DMD: variants seen among roughly 807,000 people sequenced by gnomAD.
DMD encodes the protein mutant dystrophin.
In DMD, 63 loss-of-function variants were observed where a neutral mutation model predicts 330.1. That is an observed-to-expected ratio of 0.19 (90% confidence interval 0.16 to 0.24). DMD has a LOEUF of 0.24. Among genes scored for constraint, DMD ranks in the 10% least tolerant of loss-of-function variants. The pLI, the probability that DMD is intolerant of heterozygous loss-of-function variation, is 1.00. For synonymous variants in DMD, 1,223 were observed against 959.8 expected, an observed-to-expected ratio of 1.27 and a Z score of -5.07; for missense variants, 3,344 against 2,684.1, an observed-to-expected ratio of 1.25 and a Z score of -5.43.
Position 32,697,998 on chromosome X carries a change from T to C in DMD, c.832A>G (p.Ile278Val), listed in dbSNP as rs779964937. 3.4e-6 allele frequency: 4 copies of C among 1,190,586 alleles called. No individual in the cohort carries two copies. The highest frequency in any genetic ancestry group is 4.5e-6 in the Non-Finnish European group (4 of 884,887). ...LHHQMHYSQQITVSLAQGYER... is the reference protein window; with the variant it reads ...LHHQMHYSQQVTVSLAQGYER... ...TATCCCTGTGCTAGACTGACCGTGA[T>C]CTGCAGAGAAGGGTTTGGGGGAGTG... Residue 278 changes from isoleucine to valine, a missense_variant and splice_region_variant, in exon 9 of 79, where the codon ATC becomes GTC. Coordinates refer to ENST00000357033, the MANE Select transcript of DMD (RefSeq NM_004006.3).
At chrX:31,828,240 C>T (rs1160500654) in intron 49 of DMD, among the ~76,000 whole-genome samples, 3 of 111,940 alleles carry the variant, frequency 2.7e-5, no homozygotes, top group African/African-American at 9.7e-5. Flanking sequence ...CAACCTACAT[C>T]ACAAAAATAC....
chrX:32,193,202 C>T (rs2096983652), intron 44 of DMD, among the ~76,000 whole-genome samples: 1 of 111,978 alleles, frequency 8.9e-6, no homozygotes, highest in Non-Finnish European at 1.9e-5. Flanking sequence ...GCTTCCGGTA[C>T]AGCCTGCAGA....
At chrX:32,358,444 A>T (rs1041372880) in intron 37 of DMD, among the ~76,000 whole-genome samples, 1 of 111,202 alleles carries the variant, frequency 9.0e-6, no homozygotes, top group African/African-American at 3.3e-5. Flanking sequence ...TCAGGGTTCT[A>T]ATATTATCTC....
intron 55 of DMD, among the ~76,000 whole-genome samples, chrX:31,623,251 A>T (rs1004146679): frequency 5.2e-4 from 57 of 110,501 alleles, no homozygotes; most frequent in African/African-American, 1.6e-3. Flanking sequence ...AACTTCTCCA[A>T]TTTTATTTTA....
At position 31,209,582 on chromosome X, in the gene DMD, C is replaced by T. The variant is rs771392678; in HGVS notation, c.9479G>A (p.Arg3160His). Residue 3160 changes from arginine to histidine, a missense_variant, in exon 65 of 79, where the codon CGC (arginine) becomes CAC (histidine). Physicochemically the swap from Arg to His is conservative, Grantham distance 29 (BLOSUM62 0). Coordinates refer to ENST00000357033, the MANE Select transcript of DMD (RefSeq NM_004006.3). ...IINCLTTIYD[R>H]LEQEHNNLVN... is the part of the protein sequence containing the mutation. ...CAAATTGTTGTGCTCTTGCTCCAGG[C>T]GGTCATAAATAGTGGTCAAACAATT... 1.3e-4 allele frequency: 155 copies of T among 1,209,310 alleles called. No homozygotes were observed. Among genetic ancestry groups the T allele is most frequent in the Middle Eastern group, 4.6e-4 (2 of 4,353 alleles).
At chrX:33,037,379 C>A (rs779094322) in intron 1 of DMD, among the ~76,000 whole-genome samples, 1 of 109,702 alleles carries the variant, frequency 9.1e-6, no homozygotes, top group South Asian at 3.9e-4. Flanking sequence ...AAAAAAAAAC[C>A]CTGATGTCAT....
chrX:33,313,939 T>G (rs2053887801), intron 1 of DMD, among the ~76,000 whole-genome samples: 1 of 111,186 alleles, frequency 9.0e-6, no homozygotes, highest in Non-Finnish European at 1.9e-5. Flanking sequence ...CTCACATATT[T>G]GTGAGCTGTC....
intron 21 of DMD, among the ~76,000 whole-genome samples, chrX:32,483,771 A>G (rs1275144979): frequency 1.0e-5 from 1 of 97,886 alleles, no homozygotes; most frequent in Non-Finnish European, 2.0e-5. Flanking sequence ...ATAAAGTTTT[A>G]CTACCTGTAC....
At chrX:32,437,216 C>T (rs1295606387) in intron 29 of DMD, among the ~76,000 whole-genome samples, 1 of 112,042 alleles carries the variant, frequency 8.9e-6, no homozygotes, top group Non-Finnish European at 1.9e-5. Flanking sequence ...CTTTTCCAAT[C>T]CCCAATTCCT....
At chrX:32,726,632 G>C (rs1328114757) in intron 7 of DMD, among the ~76,000 whole-genome samples, 4 of 110,977 alleles carry the variant, frequency 3.6e-5, no homozygotes, top group African/African-American at 9.8e-5. Flanking sequence ...CTTTAAGTCT[G>C]AAATTAATAT....
intron 1 of DMD, among the ~76,000 whole-genome samples, chrX:33,137,197 G>A (rs1342271747): frequency 9.0e-6 from 1 of 110,967 alleles, no homozygotes; most frequent in African/African-American, 3.3e-5. Flanking sequence ...ACAATAAAAC[G>A]GGGTGTAGCA....
chrX:32,115,432 G>A (rs1477974627), intron 44 of DMD, among the ~76,000 whole-genome samples: 1 of 109,572 alleles, frequency 9.1e-6, no homozygotes, highest in African/African-American at 3.3e-5. Flanking sequence ...GTGTAGAGGC[G>A]AGGTCTCGCT....
intron 6 of DMD, among the ~76,000 whole-genome samples, chrX:32,812,927 A>C (rs2077476063): frequency 9.0e-6 from 1 of 111,724 alleles, no homozygotes; most frequent in South Asian, 3.7e-4. Context: ...GGGAGTAAAA[A>C]AAGGACATAG....
At chrX:32,390,904 C>A (rs2097997460) in intron 30 of DMD, among the ~76,000 whole-genome samples, 1 of 111,567 alleles carries the variant, frequency 9.0e-6, no homozygotes, top group African/African-American at 3.3e-5. Context: ...AAGTCAAATG[C>A]CCCAAACAGG....
intron 2 of DMD, among the ~76,000 whole-genome samples, chrX:32,982,539 C>A (rs977615901): frequency 9.0e-6 from 1 of 111,426 alleles, no homozygotes; most frequent in African/African-American, 3.3e-5. Context: ...CCCATTTTTC[C>A]CTTCCTCTTC....
chrX:32,201,369 A>G (rs1349260114), intron 44 of DMD, among the ~76,000 whole-genome samples: 1 of 107,329 alleles, frequency 9.3e-6, no homozygotes, highest in Non-Finnish European at 1.9e-5. Flanking sequence ...AACTGTGGAT[A>G]TTTTGTTCCA....
chrX:31,434,038 C>G (rs966062945), intron 60 of DMD, among the ~76,000 whole-genome samples: 1 of 111,354 alleles, frequency 9.0e-6, no homozygotes, highest in African/African-American at 3.3e-5. Context: ...TTATGGAGCT[C>G]ACATTCAGAT....
At chrX:31,150,089 T>C (rs941483644) in intron 74 of DMD, among the ~76,000 whole-genome samples, 2 of 112,025 alleles carry the variant, frequency 1.8e-5, no homozygotes, top group African/African-American at 6.5e-5. Context: ...ATTGTCCATA[T>C]CTTTATTAAT....
At chrX:32,192,751 A>G (rs1291918876) in intron 44 of DMD, among the ~76,000 whole-genome samples, 1 of 111,812 alleles carries the variant, frequency 8.9e-6, no homozygotes, top group Non-Finnish European at 1.9e-5. Context: ...GGCTTCTTTC[A>G]TATTAATCAA....
Sources: allele counts gnomAD v4.1 joint callset (sites outside exome capture counted in the v4.1 genomes callset), GRCh38; gene constraint gnomAD v4.1.1; transcripts MANE v1.5; gene names NCBI Gene and HGNC (gene_info 2026-07-23, HGNC 2026-07-21).